Variants in CCNY observed in about 807,000 individuals in gnomAD.
CCNY encodes cyclin-Y.
In CCNY, 19 loss-of-function variants were observed where a neutral mutation model predicts 42.8. The observed-to-expected ratio is 0.44, with a 90% CI of 0.31 to 0.65. The LOEUF is 0.65. Ranked by LOEUF, CCNY falls within the 30% of genes least tolerant of loss-of-function variation. CCNY has a pLI of 0.07. For synonymous variants in CCNY, 165 were observed against 162.7 expected (o/e 1.01, Z -0.11); for missense variants, 370 against 437.3 (o/e 0.85, Z 1.37).
At position 35,337,133 on chromosome 10, in the gene CCNY, G is replaced by T; in HGVS notation, c.80G>T (p.Arg27Leu). 6.3e-7 allele frequency: 1 copy of T among 1,588,024 alleles called. No homozygotes were observed. The highest frequency in any genetic ancestry group is 8.6e-7 in the Non-Finnish European group (1 of 1,169,382). The change falls in exon 1 of 10, where the codon CGG (arginine) becomes CTG (leucine). Residue 27 changes from arginine (R) to leucine (L), a missense_variant. Physicochemically the swap from Arg to Leu is moderately radical, Grantham distance 102 (BLOSUM62 -2). Around this residue, in one of 2 missense-constraint regions of CCNY, gnomAD observed 136 missense variants for 124.2 expected, o/e 1.09. Coordinates refer to ENST00000374704, the MANE Select transcript of CCNY (RefSeq NM_145012.6). ...GCCCACTCCCGGCTGGAGTCCTACC[G>T]GCCAGACACGGACCTGAGCCGCGAG... ...RNAHSRLESY[R>L]PDTDLSREDT...
At chr10:35,353,020 G>A (rs1427834846) in intron 1 of CCNY, among the ~76,000 whole-genome samples, 1 of 152,180 alleles carries the variant, frequency 6.6e-6, no homozygotes, top group Non-Finnish European at 1.5e-5. Flanking sequence ...TGACCTCCCA[G>A]TCTCAAGCAG....
chr10:35,394,915 G>A, intron 1 of CCNY: 1 of 880,166 alleles, frequency 1.1e-6, no homozygotes, highest in Non-Finnish European at 1.4e-6. Context: ...TGGGAGTATT[G>A]TAAAACTCAC....
chr10:35,361,701 C>T (rs1407100302), intron 1 of CCNY, among the ~76,000 whole-genome samples: 1 of 152,198 alleles, frequency 6.6e-6, no homozygotes, highest in Non-Finnish European at 1.5e-5. Flanking sequence ...TAAGCATCTA[C>T]TGAGAACCAT....
intron 3 of CCNY, among the ~76,000 whole-genome samples, chr10:35,503,262 T>C (rs1460639752): frequency 6.6e-6 from 1 of 152,192 alleles, no homozygotes; most frequent in Non-Finnish European, 1.5e-5. Flanking sequence ...TTCAAACCTC[T>C]GTAAAATCAC....
chr10:35,337,334 C>A, intron 1 of CCNY, 127 bp downstream of exon 1: 1 of 1,009,906 alleles, frequency 9.9e-7, no homozygotes, highest in South Asian at 2.1e-5. Context: ...CGGGGCTTCG[C>A]CCGCGCAGCC....
At chr10:35,355,653 G>A (rs1003489637) in intron 1 of CCNY, among the ~76,000 whole-genome samples, 9 of 129,660 alleles carry the variant, frequency 6.9e-5, no homozygotes, top group African/African-American at 2.7e-4. Flanking sequence ...ACTCCAGCCT[G>A]GGCAACAGAG....
At chr10:35,529,137 A>T (rs889003402) in intron 5 of CCNY, among the ~76,000 whole-genome samples, 2 of 152,222 alleles carry the variant, frequency 1.3e-5, no homozygotes, top group African/African-American at 4.8e-5. Context: ...CCAGCCTGGT[A>T]AGAGCTAACT....
chr10:35,396,697 T>C (rs1054754410), intron 1 of CCNY, among the ~76,000 whole-genome samples: 3 of 152,184 alleles, frequency 2.0e-5, no homozygotes, highest in Admixed American at 6.5e-5. Flanking sequence ...AAAAGAGGAT[T>C]CCTGCTGGGC....
intron 3 of CCNY, among the ~76,000 whole-genome samples, chr10:35,252,682 G>A (rs1434019144): frequency 6.6e-6 from 1 of 151,822 alleles, no homozygotes; most frequent in Non-Finnish European, 1.5e-5. Flanking sequence ...TGTACTGGAT[G>A]GAGATCTTGC....
upstream of CCNY, among the ~76,000 whole-genome samples, chr10:35,335,613 G>A (rs1481153270): frequency 1.3e-5 from 2 of 151,960 alleles, no homozygotes; most frequent in African/African-American, 2.4e-5. Flanking sequence ...TCCCATGGGA[G>A]GAGTCCAGAC....
intron 1 of CCNY, among the ~76,000 whole-genome samples, chr10:35,351,538 C>A (rs1391385377): frequency 6.6e-6 from 1 of 152,138 alleles, no homozygotes; most frequent in Non-Finnish European, 1.5e-5. Context: ...TTTTCAGATG[C>A]AACTAATCTA....
chr10:35,279,515 G>A (rs1179716601), intron 3 of CCNY, among the ~76,000 whole-genome samples: 2 of 152,176 alleles, frequency 1.3e-5, no homozygotes, highest in Non-Finnish European at 2.9e-5. Context: ...AGTGTGCAGA[G>A]GGTCAGATAT....
chr10:35,283,682 C>T (rs993999270), intron 3 of CCNY, among the ~76,000 whole-genome samples: 1 of 152,134 alleles, frequency 6.6e-6, no homozygotes, highest in African/African-American at 2.4e-5. Flanking sequence ...GGATTACAGG[C>T]GTGAGCCACT....
At chr10:35,411,006 T>C (rs1186961456) in intron 1 of CCNY, among the ~76,000 whole-genome samples, 1 of 152,242 alleles carries the variant, frequency 6.6e-6, no homozygotes, top group Non-Finnish European at 1.5e-5. Context: ...TTTTAACTGA[T>C]TAAACAGTGT....
chr10:35,551,292 C>G (rs1040746327), intron 7 of CCNY, among the ~76,000 whole-genome samples: 3 of 152,166 alleles, frequency 2.0e-5, no homozygotes, highest in Admixed American at 6.5e-5. Context: ...TCTTCCTTTT[C>G]TTAAAAAACA....
chr10:35,533,107 G>A (rs1036753710), intron 7 of CCNY, among the ~76,000 whole-genome samples: 18 of 152,128 alleles, frequency 1.2e-4, no homozygotes, highest in Non-Finnish European at 1.3e-4. Flanking sequence ...ATGGGATGTG[G>A]CAGGACAGTA....
intron 5 of CCNY, among the ~76,000 whole-genome samples, chr10:35,529,555 C>G (rs969321638): frequency 6.6e-6 from 1 of 152,118 alleles, no homozygotes; most frequent in Non-Finnish European, 1.5e-5. Flanking sequence ...TTAGCACTGA[C>G]TTGTGTTTCT....
chr10:35,432,856 C>CA (rs1476628704), intron 1 of CCNY, among the ~76,000 whole-genome samples: 1 of 152,172 alleles, frequency 6.6e-6, no homozygotes, highest in African/African-American at 2.4e-5. Flanking sequence ...AAAGGTGCCC[C>CA]AGGGCTCAGT....
chr10:35,565,108 A>G (rs561807660), intron 8 of CCNY, among the ~76,000 whole-genome samples: 311 of 152,334 alleles, frequency 2.0e-3, no homozygotes, highest in Non-Finnish European at 3.2e-3. Flanking sequence ...ACCCAGAGGA[A>G]CTATCTAGAA....
Sources: gnomAD v4.1 joint callset for allele counts (sites outside exome capture counted in the v4.1 genomes callset) on GRCh38, gnomAD v4.1.1 for gene constraint, gnomAD v4.1.1 regional missense constraint, MANE v1.5 for transcripts, NCBI Gene and HGNC (gene_info 2026-07-23, HGNC 2026-07-21) for gene names.